DIP2B: variants seen among roughly 807,000 people sequenced by gnomAD.
DIP2B encodes disco-interacting protein 2 homolog B.
In DIP2B, 76 loss-of-function variants were observed where a neutral mutation model predicts 198.0. The ratio of observed to expected loss-of-function variants is 0.38; its 90% CI spans 0.32 to 0.46. The LOEUF (loss-of-function observed/expected upper bound fraction) is 0.46. DIP2B is among the 20% of genes least tolerant of loss of function. DIP2B has a pLI of 0.99. For synonymous variants in DIP2B, 701 were observed against 739.1 expected (o/e 0.95, Z 0.84); for missense variants, 1,559 against 1,978.4 (o/e 0.79, Z 4.02).
At chr12:50,554,543 T>C (rs186272603) in intron 1 of DIP2B, among the ~76,000 whole-genome samples, 1 of 152,164 alleles carries the variant, frequency 6.6e-6, no homozygotes, top group African/African-American at 2.4e-5. Context: ...TCACCTTGAA[T>C]AGGTTGTTCC....
In DIP2B at chr12:50,734,151, A is replaced by T; in HGVS notation, c.3998A>T (p.Asp1333Val). 1 of 1,614,214 alleles carries T rather than the reference A, an allele frequency of 6.2e-7. No individual in the cohort carries two copies. Among genetic ancestry groups the T allele is most frequent in the Non-Finnish European group, 8.5e-7 (1 of 1,180,030 alleles). ...TTTCTTTAGGGAACCTCAGGGCCTG[A>T]TCCGACTACTGTGTATGTGGATCTG... ...AICLQGTSGP[D>V]PTTVYVDLKS... Residue 1333 changes from aspartate to valine, a missense_variant, in exon 33 of 38, where the codon GAT becomes GTT. By Grantham distance (152) the Asp-to-Val change is radical. Transcript: ENST00000301180.
At chr12:50,720,312 T>C (rs1939811402) in intron 25 of DIP2B, among the ~76,000 whole-genome samples, 1 of 152,098 alleles carries the variant, frequency 6.6e-6, no homozygotes, top group Non-Finnish European at 1.5e-5. Context: ...TCAAAGTCTG[T>C]GACCATGTGG....
intron 1 of DIP2B, among the ~76,000 whole-genome samples, chr12:50,536,269 G>GTACA (rs1555182421): frequency 1.8e-5 from 1 of 56,322 alleles, no homozygotes; most frequent in Non-Finnish European, 3.7e-5. Flanking sequence ...TACTAAATAC[G>GTACA]TGCATACATA....
intron 1 of DIP2B, among the ~76,000 whole-genome samples, chr12:50,550,940 A>T (rs1460514062): frequency 2.6e-5 from 4 of 152,000 alleles, no homozygotes; most frequent in Non-Finnish European, 4.4e-5. Context: ...CCTGGGCAAC[A>T]TGGCAAAACC....
rs139687993 is a variant in DIP2B, at chr12:50,678,636, G to C, written c.917-43G>C. The C allele has an allele frequency of 3.8e-5, 60 of 1,574,416 alleles. No homozygotes were observed. The African/African-American group carries it at 7.3e-4, about 19-fold the overall frequency. Reference sequence around the variant, plus strand: ...ATTAGAGACCTAAGTTGTGTTCATTGGTATTTGTACTCATTTCACTCATTG... The same window carrying C: ...ATTAGAGACCTAAGTTGTGTTCATTCGTATTTGTACTCATTTCACTCATTG... On this transcript the variant is annotated intron_variant, in intron 7 of 37. Transcript: ENST00000301180.
intron 1 of DIP2B, among the ~76,000 whole-genome samples, chr12:50,575,584 G>GCTGT (rs1216916385): frequency 6.6e-6 from 1 of 152,094 alleles, no homozygotes. Context: ...ACAGAGTTTT[G>GCTGT]CTGTTTTCGC....
chr12:50,703,227 T>TA (rs988731357), intron 19 of DIP2B, among the ~76,000 whole-genome samples: 217 of 144,896 alleles, frequency 1.5e-3, no homozygotes, highest in African/African-American at 4.5e-3. Flanking sequence ...TATCTCATTT[T>TA]AAAAAAAAAA....
chr12:50,637,867 C>T (rs1437794257), intron 2 of DIP2B, among the ~76,000 whole-genome samples: 2 of 152,090 alleles, frequency 1.3e-5, no homozygotes, highest in Non-Finnish European at 2.9e-5. Flanking sequence ...TTTTTTGCTA[C>T]TAAATACCAT....
rs1012981725 is a variant in DIP2B at position 50,737,207 on chromosome 12, C to A, written c.4176+97C>A. On this transcript the variant is annotated intron_variant, in intron 35 of 37. Coordinates refer to ENST00000301180, the MANE Select transcript of DIP2B (RefSeq NM_173602.3). ...CAGTAAAACTGTGGATTTAGCTTTC[C>A]CCCGTTGTGAATGGAGTTAATTTTT... The A allele has an allele frequency of 4.2e-6, 5 of 1,183,756 alleles. No homozygotes were observed. The African/African-American group carries it at 6.2e-5, about 15-fold the overall frequency. The allele number at this position is 1,183,756 out of a possible 1,614,324, so 73.3% of individuals were successfully genotyped here.
Position 50,744,808 on chromosome 12 carries a change from T to C in DIP2B, c.4700T>C (p.Leu1567Ser). ...CGTGATAGCTTCCTAGCTGACCAGT[T>C]AGACCCCATCTACGTGGCTTATAAC... is the stretch of plus-strand genomic sequence containing the variant. ...HLRDSFLADQ[L>S]DPIYVAYNM The change falls in exon 38 of 38, where the codon TTA becomes TCA. Residue 1567 changes from leucine to serine, a missense_variant. By Grantham distance (145) the Leu-to-Ser change is moderately radical. Transcript: ENST00000301180. 6.2e-7 allele frequency: 1 copy of C among 1,614,198 alleles called. No homozygotes were observed. Among genetic ancestry groups the C allele is most frequent in the African/African-American group, 1.3e-5 (1 of 75,044 alleles).
chr12:50,672,802 T>C (rs1163430653), intron 5 of DIP2B, among the ~76,000 whole-genome samples: 5 of 152,242 alleles, frequency 3.3e-5, no homozygotes, highest in East Asian at 3.8e-4. Context: ...TTTACTTACA[T>C]ATGTAAGGTT....
At position 50,505,136 on chromosome 12, in the gene DIP2B, C is replaced by G; in HGVS notation, c.-5C>G. ...GTCTTCCGGAGTGTGGCTGGCGGAG[C>G]TGGGATGGCGGAACGAGGCCTGGAG... is the stretch of plus-strand genomic sequence containing the variant. On this transcript the variant is annotated 5_prime_UTR_variant, in exon 1 of 38. Coordinates refer to ENST00000301180, the MANE Select transcript of DIP2B (RefSeq NM_173602.3). 6.5e-7 allele frequency: 1 copy of G among 1,529,964 alleles called. No homozygotes were observed. The highest frequency in any genetic ancestry group is 8.7e-7 in the Non-Finnish European group (1 of 1,143,534). The allele number at this position is 1,529,964 out of a possible 1,614,324, so 94.8% of individuals were successfully genotyped here.
chr12:50,711,987 C>T (rs1939624423), intron 22 of DIP2B, among the ~76,000 whole-genome samples: 2 of 152,094 alleles, frequency 1.3e-5, no homozygotes. Context: ...AGAGCAAGAC[C>T]CTTTGCTCTA....
intron 1 of DIP2B, among the ~76,000 whole-genome samples, chr12:50,579,289 T>G (rs1958692832): frequency 6.6e-6 from 1 of 152,044 alleles, no homozygotes; most frequent in South Asian, 2.1e-4. Flanking sequence ...GAACTGATAG[T>G]GATTTTAAGC....
At chr12:50,668,104 G>T (rs754195757) in intron 4 of DIP2B, among the ~76,000 whole-genome samples, 8 of 152,206 alleles carry the variant, frequency 5.3e-5, no homozygotes, top group Middle Eastern at 3.4e-3. Context: ...CTCGCGTGCA[G>T]CCCCCTCTAC....
At position 50,640,951 on chromosome 12, in the gene DIP2B, A is replaced by G. The variant is rs76110959; in HGVS notation, c.301+99A>G. The G allele has an allele frequency of 0.025, 34,690 of 1,402,870 alleles. 523 individuals carry two copies. Among genetic ancestry groups the G allele is most frequent in the Middle Eastern group, 0.052 (270 of 5,204 alleles). 86.9% of individuals were successfully genotyped at this position (1,402,870 alleles called of 1,614,324 possible). On this transcript the variant is annotated intron_variant, in intron 3 of 37. Transcript: ENST00000301180. ...TCTAATACTTGTCTTTTTTTTCCCT[A>G]TGAGGCACCAACAGTTTTATATTAA...
chr12:50,616,636 A>G (rs1170906282), intron 1 of DIP2B, among the ~76,000 whole-genome samples: 1 of 152,222 alleles, frequency 6.6e-6, no homozygotes, highest in Non-Finnish European at 1.5e-5. Flanking sequence ...CAAGAGAAAT[A>G]GGGGAAGACA....
At chr12:50,513,627 A>T (rs1958037846) in intron 1 of DIP2B, among the ~76,000 whole-genome samples, 1 of 152,072 alleles carries the variant, frequency 6.6e-6, no homozygotes, top group Non-Finnish European at 1.5e-5. Flanking sequence ...CAATCCCAAT[A>T]CTTTGGGAGG....
chr12:50,521,610 A>G (rs1032614578), intron 1 of DIP2B, among the ~76,000 whole-genome samples: 1 of 149,360 alleles, frequency 6.7e-6, no homozygotes, highest in Non-Finnish European at 1.5e-5. Context: ...CTTGTGCCTC[A>G]GCCTCCTGAG....
Sources: allele counts gnomAD v4.1 joint callset (sites outside exome capture counted in the v4.1 genomes callset), GRCh38; gene constraint gnomAD v4.1.1; transcripts MANE v1.5; gene names NCBI Gene and HGNC (gene_info 2026-07-23, HGNC 2026-07-21).